Variants in RHBDF1 observed in about 807,000 individuals in gnomAD.
RHBDF1 encodes the protein inactive rhomboid protein 1.
Under a neutral mutation model 98.6 loss-of-function variants are expected in RHBDF1, and 80 were observed. The ratio of observed to expected loss-of-function variants is 0.81; its 90% CI spans 0.68 to 0.98. RHBDF1 has a LOEUF of 0.98. RHBDF1 is among the 50% of genes least tolerant of loss of function. The pLI is 0.00. For missense variants in RHBDF1, 1,116 were observed against 1,198.3 expected, an observed-to-expected ratio of 0.93 and a Z score of 1.01; for synonymous variants, 512 against 486.8, an observed-to-expected ratio of 1.05 and a Z score of -0.68.
chr16:70,281 A>G (rs1195529008), intron 1 of RHBDF1, among the ~76,000 whole-genome samples: 1 of 152,196 alleles, frequency 6.6e-6, no homozygotes, highest in Non-Finnish European at 1.5e-5. Flanking sequence ...GCTGGGTCTC[A>G]GGAGTTAGGC....
chr16:63,312 G>A, intron 4 of RHBDF1, 130 bp from the exon 5 acceptor site: 2 of 788,600 alleles, frequency 2.5e-6, no homozygotes, highest in Non-Finnish European at 3.9e-6. Flanking sequence ...CAGCTCTATG[G>A]CCACCACTCC....
Position 61,569 on chromosome 16 carries a change from A to C in RHBDF1, c.1320+16T>G. 1 of 1,612,354 alleles carries C rather than the reference A, an allele frequency of 6.2e-7. No individual in the cohort carries two copies. Among genetic ancestry groups the C allele is most frequent in the Non-Finnish European group, 8.5e-7 (1 of 1,179,158 alleles). The stretch of plus-strand genomic sequence containing the variant: ...GACTCCACTCGTCTGGGCCCAGGGA[A>C]GGCACAGGGGCTCACCGAGTCCACC... On this transcript the variant is annotated intron_variant, in intron 9 of 17. Transcript: ENST00000262316.
chr16:64,352 G>C (rs1567116594), intron 3 of RHBDF1: 1 of 1,367,634 alleles, frequency 7.3e-7, no homozygotes, highest in Admixed American at 2.2e-5. Context: ...GACCAAGAGA[G>C]AGACTGGCGC....
intron 11 of RHBDF1, 31 bp from the exon 12 acceptor site, chr16:60,570 G>A: frequency 6.4e-7 from 1 of 1,573,556 alleles, no homozygotes; most frequent in Non-Finnish European, 8.7e-7. Flanking sequence ...GTCAGGTCCA[G>A]TTGGGTCAGG....
chr16:60,299 G>A lies in RHBDF1; in HGVS notation c.1659-20C>T, dbSNP rs781007327. On this transcript the variant is annotated intron_variant, in intron 12 of 17. Coordinates refer to ENST00000262316, the MANE Select transcript of RHBDF1 (RefSeq NM_022450.5). ...CACACCCTGCATGAGCCAAGTATGTGGTCAGACCGGCTTCGAGCCCCTAGC... is the reference window on the plus strand; with the variant it reads ...CACACCCTGCATGAGCCAAGTATGTAGTCAGACCGGCTTCGAGCCCCTAGC... 3.7e-6 allele frequency: 6 copies of A among 1,613,890 alleles called. No homozygotes were observed. The highest frequency in any genetic ancestry group is 5.1e-6 in the Non-Finnish European group (6 of 1,179,952).
At chr16:63,212 G>C (rs1228525268) in intron 4 of RHBDF1, 30 bp from the exon 5 acceptor site, 7 of 1,515,332 alleles carry the variant, frequency 4.6e-6, no homozygotes, top group Non-Finnish European at 6.2e-6. Context: ...GCTGGAGTCA[G>C]GACCATGGGG....
chr16:70,011 AG>A (rs11306273), intron 1 of RHBDF1, among the ~76,000 whole-genome samples: 9,641 of 79,188 alleles, frequency 0.12, 688 homozygotes, highest in South Asian at 0.29. Flanking sequence ...ACTTGGCAGG[AG>A]GGGGGGGGGC....
chr16:73,135 T>C (rs1185142905), upstream of RHBDF1, among the ~76,000 whole-genome samples: 2 of 152,138 alleles, frequency 1.3e-5, no homozygotes, highest in African/African-American at 4.8e-5. Context: ...CGTCCCCACA[T>C]CCTTCCACTT....
rs140406683 is a variant in RHBDF1 at position 61,197 on chromosome 16, C to T, written c.1480G>A (p.Glu494Lys). Residue 494 changes from glutamate to lysine, a missense_variant, in exon 11 of 18, where the codon GAG (glutamate) becomes AAG (lysine). Coordinates refer to ENST00000262316, the MANE Select transcript of RHBDF1 (RefSeq NM_022450.5). The stretch of plus-strand genomic sequence containing the variant: ...CAGCAGGCGGAGTGCTTCTCGCGCT[C>T]GCGCGCCGAGCGAATGAAGCTGTGC... ...QVHSFIRSAR[E>K]REKHSACCVR... is the part of the protein sequence containing the mutation. 1.9e-6 allele frequency: 3 copies of T among 1,543,770 alleles called. No homozygotes were observed. The highest frequency in any genetic ancestry group is 1.7e-6 in the Non-Finnish European group (2 of 1,145,582).
chr16:62,792 T>A lies in RHBDF1; in HGVS notation c.778A>T (p.Thr260Ser), dbSNP rs749289532. Reference protein sequence around the residue: ...DTTDFPDELDTSFFAREGILH... With the variant: ...DTTDFPDELDSSFFAREGILH... ...CTTCTTACCCGGGCAAAGAAGGATG[T>A]GTCCAGCTCATCGGGGAAATCAGTT... The change falls in exon 6 of 18, where the codon ACA becomes TCA. Residue 260 changes from threonine (T) to serine (S), a missense_variant. By Grantham distance (58) the Thr-to-Ser change is moderately conservative (BLOSUM62 1). Coordinates refer to ENST00000262316, the MANE Select transcript of RHBDF1 (RefSeq NM_022450.5). 1.2e-6 allele frequency: 2 copies of A among 1,614,102 alleles called. No individual in the cohort carries two copies. The highest frequency in any genetic ancestry group is 1.7e-6 in the Non-Finnish European group (2 of 1,180,028).
chr16:68,871 G>A (rs779557333), intron 1 of RHBDF1, among the ~76,000 whole-genome samples: 1 of 152,222 alleles, frequency 6.6e-6, no homozygotes, highest in Non-Finnish European at 1.5e-5. Context: ...ACAGGTGCAG[G>A]GAGAGCCAGA....
chr16:69,386 C>T (rs925901853), intron 1 of RHBDF1, among the ~76,000 whole-genome samples: 3 of 152,258 alleles, frequency 2.0e-5, no homozygotes, highest in Middle Eastern at 6.8e-3. Context: ...GGCTCTGCTC[C>T]GCCCAAGGAA....
At position 61,373 on chromosome 16, in the gene RHBDF1, C is replaced by A; in HGVS notation, c.1395+12G>T. On this transcript the variant is annotated intron_variant, in intron 10 of 17. Transcript: ENST00000262316. ...CCGCCCCCGCCGGCCCCGCCCCCAG[C>A]CCCGTCCTCACCGAGCTGGGCCCGA... 2 of 1,594,686 alleles carry A rather than the reference C, an allele frequency of 1.3e-6. No homozygotes were observed. Among genetic ancestry groups the A allele is most frequent in the Non-Finnish European group, 1.7e-6 (2 of 1,171,790 alleles).
intron 11 of RHBDF1, 121 bp downstream of exon 11, chr16:60,999 G>A (rs1017117237): frequency 2.7e-6 from 3 of 1,108,522 alleles, no homozygotes; most frequent in South Asian, 1.6e-5. Flanking sequence ...AAGGCCTTGC[G>A]CGTAAGGACG....
chr16:62,510 G>GC, intron 7 of RHBDF1, 28 bp downstream of exon 7: 3 of 1,607,078 alleles, frequency 1.9e-6, no homozygotes, highest in South Asian at 1.1e-5. Flanking sequence ...GTCTCTCTCT[G>GC]CCCCTCTTCC....
chr16:70,738 G>C (rs531544888), intron 1 of RHBDF1, among the ~76,000 whole-genome samples: 34 of 152,216 alleles, frequency 2.2e-4, no homozygotes, highest in Admixed American at 6.5e-4. Flanking sequence ...CTGCCCAGGA[G>C]CTGCAGTGGA....
rs530869140 is a variant in RHBDF1, at chr16:64,318, A to C, written c.248+381T>G. The C allele has an allele frequency of 7.2e-5, 97 of 1,344,518 alleles. No individual in the cohort carries two copies. The East Asian group carries it at 3.4e-3, about 48-fold the overall frequency. 83.3% of individuals were successfully genotyped at this position (1,344,518 alleles called of 1,614,324 possible). A position where few individuals can be genotyped will look rare whatever the true frequency, so the allele number is the denominator to read the frequency against. On this transcript the variant is annotated intron_variant, in intron 3 of 17. Coordinates refer to ENST00000262316, the MANE Select transcript of RHBDF1 (RefSeq NM_022450.5). ...GCCAGAAAACACCAACACACTCATGACCTGTATGAGATACCTGAGCAGGGA... is the reference window on the plus strand; with the variant it reads ...GCCAGAAAACACCAACACACTCATGCCCTGTATGAGATACCTGAGCAGGGA...
At chr16:60,861 C>T (rs1485433067) in intron 11 of RHBDF1, among the ~76,000 whole-genome samples, 1 of 152,058 alleles carries the variant, frequency 6.6e-6, no homozygotes, top group Non-Finnish European at 1.5e-5. Flanking sequence ...AGGCAAATAC[C>T]ACTTATGTAA....
At chr16:59,568 G>A in intron 14 of RHBDF1, 74 bp from the exon 15 acceptor site, 1 of 1,523,822 alleles carries the variant, frequency 6.6e-7, no homozygotes, top group Non-Finnish European at 9.0e-7. Flanking sequence ...GCGAGTTTCA[G>A]CCGCACCTAC....
Sources: allele counts gnomAD v4.1 joint callset (sites outside exome capture counted in the v4.1 genomes callset), GRCh38; gene constraint gnomAD v4.1.1; transcripts MANE v1.5; gene names NCBI Gene and HGNC (gene_info 2026-07-23, HGNC 2026-07-21).